The following PPARGC1B variants were observed in gnomAD, a reference collection of about 807,000 sequenced individuals.
PPARGC1B encodes the protein PPARG coactivator 1 beta.
PPARGC1B carries 34 observed loss-of-function variants against 101.6 expected under a neutral mutation model. The ratio of observed to expected loss-of-function variants is 0.33; its 90% CI spans 0.25 to 0.45. The LOEUF (loss-of-function observed/expected upper bound fraction) is 0.45, where lower values mean the gene tolerates loss of function less well. Ranked by LOEUF, PPARGC1B falls within the 20% of genes least tolerant of loss-of-function variation. The probability of loss-of-function intolerance (pLI) is 1.00; values close to 1 mark genes in which losing one functional copy is unlikely to be tolerated. For synonymous variants in PPARGC1B, 548 were observed against 539.3 expected (o/e 1.02, Z -0.22); for missense variants, 1,234 against 1,317.6 (o/e 0.94, Z 0.98).
chr5:149,817,145 C>T (rs1758090253), intron 1 of PPARGC1B, among the ~76,000 whole-genome samples: 1 of 152,202 alleles, frequency 6.6e-6, no homozygotes, highest in South Asian at 2.1e-4. Flanking sequence ...ATGCTCTTCC[C>T]ACCTCTTCCA....
intron 7 of PPARGC1B, among the ~76,000 whole-genome samples, chr5:149,835,648 C>G (rs1050651341): frequency 1.2e-4 from 18 of 152,364 alleles, no homozygotes; most frequent in African/African-American, 3.8e-4. Context: ...TGCCTGCCCC[C>G]TCTCCGTCAT....
intron 3 of PPARGC1B, among the ~76,000 whole-genome samples, chr5:149,827,902 G>C (rs1581102914): frequency 6.6e-6 from 1 of 152,318 alleles, no homozygotes. Flanking sequence ...TGCTCAGCCT[G>C]TCTTGGGCCC....
chr5:149,817,410 G>A (rs1758098860), intron 1 of PPARGC1B, among the ~76,000 whole-genome samples: 1 of 152,160 alleles, frequency 6.6e-6, no homozygotes, highest in African/African-American at 2.4e-5. Flanking sequence ...AACTTAAGGG[G>A]TTGAGGCTAC....
Position 149,791,793 on chromosome 5 carries a change from C to T in PPARGC1B, c.79-28640C>T, listed in dbSNP as rs187692881. ...TGGTGTCCAGCAGTACCCTTCCCTA[C>T]CTTTAACAACTTCTGACAGATTAAG... On this transcript the variant is annotated intron_variant, in intron 1 of 11. Coordinates refer to ENST00000309241, the MANE Select transcript of PPARGC1B (RefSeq NM_133263.4). 3.7e-4 allele frequency among the ~76,000 whole-genome samples: 57 copies of T among 152,294 alleles called. No homozygotes were observed. The East Asian group carries it at 6.8e-3, about 18-fold the overall frequency.
chr5:149,763,760 G>A (rs1755802638), intron 1 of PPARGC1B, among the ~76,000 whole-genome samples: 1 of 151,952 alleles, frequency 6.6e-6, no homozygotes, highest in African/African-American at 2.4e-5. Flanking sequence ...CAAACTCCTG[G>A]GCTCAAGTCA....
chr5:149,806,210 C>A (rs1345728402), intron 1 of PPARGC1B, among the ~76,000 whole-genome samples: 1 of 152,236 alleles, frequency 6.6e-6, no homozygotes, highest in African/African-American at 2.4e-5. Context: ...AGGAGCCGGC[C>A]ACCTGAGAGG....
chr5:149,772,239 TTGGGTAGACACA>T (rs1437591387), intron 1 of PPARGC1B: 2 of 1,566,218 alleles, frequency 1.3e-6, no homozygotes, highest in Non-Finnish European at 1.7e-6. Flanking sequence ...CGGGAGGGTG[TTGGGTAGACACA>T]TGGTTGTGAT....
intron 1 of PPARGC1B, among the ~76,000 whole-genome samples, chr5:149,781,776 C>T (rs896413389): frequency 6.6e-6 from 1 of 151,942 alleles, no homozygotes; most frequent in Admixed American, 6.6e-5. Flanking sequence ...CTGGCCAAGG[C>T]AGACATCGCT....
chr5:149,826,136 C>T (rs1312968378), intron 2 of PPARGC1B, among the ~76,000 whole-genome samples: 3 of 152,164 alleles, frequency 2.0e-5, no homozygotes, highest in African/African-American at 7.2e-5. Flanking sequence ...ATAGTTGCTA[C>T]CTCCTCAGGA....
intron 1 of PPARGC1B, among the ~76,000 whole-genome samples, chr5:149,789,214 A>G (rs549494179): frequency 6.6e-6 from 1 of 152,326 alleles, no homozygotes; most frequent in South Asian, 2.1e-4. Flanking sequence ...TTGTCAGTGT[A>G]GTAGCCATTC....
chr5:149,836,381 C>T lies in PPARGC1B; in HGVS notation c.1926C>T (p.Leu642=), dbSNP rs1486463517. ...TCAGCCTCCCCTCCCCTGAGGGCCT[C>T]TCACTCAAGGCCACCCCAGGGGCTG... ...IALSLPSPEG[L]SLKATPGAAH... The change falls in exon 8 of 12, where the codon CTC becomes CTT. Residue 642 remains leucine, a synonymous_variant. Transcript: ENST00000309241. 3 of 1,614,128 alleles carry T rather than the reference C, an allele frequency of 1.9e-6. No individual in the cohort carries two copies. The East Asian group carries it at 6.7e-5, about 36-fold the overall frequency.
At chr5:149,810,714 G>T (rs2113324979) in intron 1 of PPARGC1B, among the ~76,000 whole-genome samples, 1 of 152,320 alleles carries the variant, frequency 6.6e-6, no homozygotes, top group South Asian at 2.1e-4. Flanking sequence ...GGCCTGTCTG[G>T]AAACTGGTCT....
At chr5:149,797,588 T>C (rs911028350) in intron 1 of PPARGC1B, among the ~76,000 whole-genome samples, 1 of 152,194 alleles carries the variant, frequency 6.6e-6, no homozygotes, top group African/African-American at 2.4e-5. Flanking sequence ...TTTGATAGTA[T>C]TGGTTTTCTT....
rs1307375923 is a variant in PPARGC1B, at chr5:149,851,555, A to C, written c.*3997A>C. 1 of 152,260 alleles carries C rather than the reference A, an allele frequency of 6.6e-6. No individual in the cohort carries two copies. The highest frequency in any genetic ancestry group is 1.5e-5 in the Non-Finnish European group (1 of 68,044). 9.4% of individuals were successfully genotyped at this position (152,260 alleles called of 1,614,324 possible). A position where few individuals can be genotyped will look rare whatever the true frequency, so the allele number is the denominator to read the frequency against. On this transcript the variant is annotated 3_prime_UTR_variant, in exon 12 of 12. Coordinates refer to ENST00000309241, the MANE Select transcript of PPARGC1B (RefSeq NM_133263.4). ...CCCAGCATCAGATATGATTAAGGAA[A>C]GAAATTGGATGTACAACAGCAAAGA...
intron 1 of PPARGC1B, among the ~76,000 whole-genome samples, chr5:149,777,326 C>T (rs1157072283): frequency 1.3e-5 from 2 of 152,206 alleles, no homozygotes; most frequent in Admixed American, 6.5e-5. Context: ...AGTCCAGAAA[C>T]ACATGCCACG....
In PPARGC1B at chr5:149,834,636, A is replaced by G. The variant is rs764555713; in HGVS notation, c.1706-38A>G. On this transcript the variant is annotated intron_variant, in intron 5 of 11. Transcript: ENST00000309241. ...AGGGGAAACATCTGCTAGTGATACC[A>G]TATTGGGGAATCTTATTTTTCTGTG... 3.8e-6 allele frequency: 6 copies of G among 1,598,960 alleles called. No individual in the cohort carries two copies. The African/African-American group carries it at 4.0e-5, about 11-fold the overall frequency.
intron 10 of PPARGC1B, among the ~76,000 whole-genome samples, chr5:149,843,185 T>C (rs62383783): frequency 0.042 from 6,433 of 152,150 alleles, 172 homozygotes; most frequent in East Asian, 0.13. Flanking sequence ...AGGCCTTTTG[T>C]TCTACTAGGC....
In PPARGC1B at chr5:149,849,527, C is replaced by T. The variant is rs1282883292; in HGVS notation, c.*1969C>T. 6.6e-6 allele frequency: 1 copy of T among 152,248 alleles called. No homozygotes were observed. Among genetic ancestry groups the T allele is most frequent in the Non-Finnish European group, 1.5e-5 (1 of 68,046 alleles). The allele number at this position is 152,248 out of a possible 1,614,324, so 9.4% of individuals were successfully genotyped here. A position where few individuals can be genotyped will look rare whatever the true frequency, so the allele number is the denominator to read the frequency against. On this transcript the variant is annotated 3_prime_UTR_variant, in exon 12 of 12. Coordinates refer to ENST00000309241, the MANE Select transcript of PPARGC1B (RefSeq NM_133263.4). ...CAGACATAACTAATCAATCACACCACTCAGGTTCCCTGAGCCTGGATGTGC... is the reference window on the plus strand; with the variant it reads ...CAGACATAACTAATCAATCACACCATTCAGGTTCCCTGAGCCTGGATGTGC...
intron 11 of PPARGC1B, 176 bp from the exon 12 acceptor site, chr5:149,847,282 G>A (rs1449557778): frequency 2.7e-6 from 2 of 738,296 alleles, no homozygotes; most frequent in African/African-American, 1.7e-5. Context: ...TGGCCAAGAT[G>A]TCCCAGCAGG....
Sources: gnomAD v4.1 joint callset for allele counts (sites outside exome capture counted in the v4.1 genomes callset) on GRCh38, gnomAD v4.1.1 for gene constraint, MANE v1.5 for transcripts, NCBI Gene and HGNC (gene_info 2026-07-23, HGNC 2026-07-21) for gene names.